The following HTRA3 variants were observed in gnomAD, a reference collection of about 807,000 sequenced individuals.
The protein encoded by HTRA3 is HtrA serine peptidase 3.
A neutral mutation model predicts 43.2 loss-of-function variants in HTRA3; 41 were observed. The observed-to-expected ratio is 0.95, with a 90% CI of 0.74 to 1.23. HTRA3 has a LOEUF of 1.23. Among genes scored for constraint, HTRA3 ranks in the 50% most tolerant of loss-of-function variants. HTRA3 has a pLI of 0.00. For synonymous variants in HTRA3, 295 were observed against 287.9 expected (o/e 1.02, Z -0.25); for missense variants, 628 against 647.1 (o/e 0.97, Z 0.32).
chr4:8,281,384 G>T (rs531520040), intron 1 of HTRA3, among the ~76,000 whole-genome samples: 10 of 152,214 alleles, frequency 6.6e-5, no homozygotes, highest in African/African-American at 2.4e-4. Flanking sequence ...CTGGGTGGGT[G>T]GGTAGCCCCC....
In HTRA3 at chr4:8,286,672, C is replaced by T. The variant is rs112517429; in HGVS notation, c.597C>T (p.Ala199=). ...ACGTGGTGTCCAGCAACAGTGCTGC[C>T]CCGGGCAGGCAGCAGCTCAAGGTGC... ...NAHVVSSNSA[A]PGRQQLKVQL... Residue 199 remains alanine (A), a synonymous_variant, in exon 3 of 9, where the codon GCC becomes GCT. Coordinates refer to ENST00000307358, the MANE Select transcript of HTRA3 (RefSeq NM_053044.5). This position sits in a 1 kb window ranked among gnomAD's most constrained non-coding sequence, Gnocchi z 4.9. 2.1e-3 allele frequency: 3,396 copies of T among 1,614,180 alleles called. 7 individuals carry two copies. Among genetic ancestry groups the T allele is most frequent in the Middle Eastern group, 3.8e-3 (23 of 6,062 alleles).
intron 4 of HTRA3, among the ~76,000 whole-genome samples, 160 bp from the exon 5 acceptor site, chr4:8,292,161 C>T (rs1164009397): frequency 6.6e-6 from 1 of 152,230 alleles, no homozygotes; most frequent in Non-Finnish European, 1.5e-5. Flanking sequence ...ACATGGCCTT[C>T]TTATCTGTGA....
rs1342311590 is a variant in HTRA3, at chr4:8,270,129, G to A, written c.161G>A (p.Cys54Tyr). ...GACCTCTGCAACTGCTGCCTGGTGT[G>A]CGCCGCCAGCGAGGGCGAGCCCTGT... is the stretch of plus-strand genomic sequence containing the variant. ...VPDLCNCCLV[C>Y]AASEGEPCGG... The change falls in exon 1 of 9, where the codon TGC becomes TAC. Residue 54 changes from cysteine (C) to tyrosine (Y), a missense_variant. By Grantham distance (194) the Cys-to-Tyr change is radical. Coordinates refer to ENST00000307358, the MANE Select transcript of HTRA3 (RefSeq NM_053044.5). The A allele has an allele frequency of 1.3e-6, 2 of 1,544,322 alleles. No homozygotes were observed. The highest frequency in any genetic ancestry group is 1.7e-6 in the Non-Finnish European group (2 of 1,157,370).
chr4:8,274,860 C>A (rs1044950096), intron 1 of HTRA3, among the ~76,000 whole-genome samples: 1 of 152,200 alleles, frequency 6.6e-6, no homozygotes, highest in Non-Finnish European at 1.5e-5. Flanking sequence ...CATTTAATCA[C>A]CGGCTTTTAT....
At chr4:8,283,057 G>A (rs1200962444) in intron 2 of HTRA3, among the ~76,000 whole-genome samples, 2 of 152,178 alleles carry the variant, frequency 1.3e-5, no homozygotes, top group Admixed American at 6.5e-5. Context: ...CGCAAGCACC[G>A]AGGCCCGTGT....
chr4:8,285,529 T>C (rs1293828207), intron 2 of HTRA3, among the ~76,000 whole-genome samples: 1 of 152,204 alleles, frequency 6.6e-6, no homozygotes, highest in Non-Finnish European at 1.5e-5. Flanking sequence ...CTCGCACATT[T>C]TCCTTGCTCA....
At chr4:8,277,241 G>A (rs56357949) in intron 1 of HTRA3, among the ~76,000 whole-genome samples, 47,490 of 152,150 alleles carry the variant, frequency 0.31, 8,511 homozygotes, top group Non-Finnish European at 0.4. Context: ...GTTTTCCAGA[G>A]GAGGAAAAGC....
At chr4:8,292,688 C>A (rs76858966) in intron 5 of HTRA3, among the ~76,000 whole-genome samples, 1 of 152,334 alleles carries the variant, frequency 6.6e-6, no homozygotes, top group East Asian at 1.9e-4. Context: ...CACAGGATGA[C>A]AGGGGCACCC....
intron 1 of HTRA3, among the ~76,000 whole-genome samples, chr4:8,280,876 C>A (rs895222523): frequency 1.3e-5 from 2 of 152,182 alleles, no homozygotes; most frequent in African/African-American, 2.4e-5. Context: ...GACCCAACAC[C>A]AGAGCTCGAG....
At chr4:8,277,647 C>G (rs564778131) in intron 1 of HTRA3, among the ~76,000 whole-genome samples, 1 of 152,206 alleles carries the variant, frequency 6.6e-6, no homozygotes, top group Non-Finnish European at 1.5e-5. Context: ...GGAGCCTGCA[C>G]GCGCAGGAAG....
intron 6 of HTRA3, among the ~76,000 whole-genome samples, chr4:8,299,918 C>A (rs1321797895): frequency 6.6e-6 from 1 of 150,778 alleles, no homozygotes; most frequent in Non-Finnish European, 1.5e-5. Context: ...TGGCTCCCTG[C>A]AACCTCTACC....
At position 8,295,727 on chromosome 4, in the gene HTRA3, G is replaced by T; in HGVS notation, c.1051+1526G>T. The T allele has an allele frequency of 7.3e-7, 1 of 1,366,466 alleles. No homozygotes were observed. The highest frequency in any genetic ancestry group is 9.5e-7 in the Non-Finnish European group (1 of 1,056,566). 84.6% of individuals were successfully genotyped at this position (1,366,466 alleles called of 1,614,324 possible). On this transcript the variant is annotated intron_variant, in intron 6 of 8. Transcript: ENST00000307358. The surrounding 1 kb of genome is among the most constrained non-coding windows in gnomAD (Gnocchi z 6.9). ...ACTGGCAGTTCATTGAGAGCAGGGGGCTTCCTCACGTTTCCCCCTCCTCCA... is the reference window on the plus strand; with the variant it reads ...ACTGGCAGTTCATTGAGAGCAGGGGTCTTCCTCACGTTTCCCCCTCCTCCA...
At position 8,279,622 on chromosome 4, in the gene HTRA3, G is replaced by T. The variant is rs1320519537; in HGVS notation, c.386-2815G>T. Among the ~76,000 whole-genome samples, 1 of 152,160 alleles carries T rather than the reference G, an allele frequency of 6.6e-6. No individual in the cohort carries two copies. Among genetic ancestry groups the T allele is most frequent in the Admixed American group, 6.5e-5 (1 of 15,288 alleles). ...TCTGAGTCCAGGATGGAGACACACA[G>T]GAAGGCAGCCTTTTCTAATCACCTG... On this transcript the variant is annotated intron_variant, in intron 1 of 8. Coordinates refer to ENST00000307358, the MANE Select transcript of HTRA3 (RefSeq NM_053044.5). The surrounding 1 kb of genome is among the most constrained non-coding windows in gnomAD (Gnocchi z 7.4).
At chr4:8,278,572 C>G (rs1471445592) in intron 1 of HTRA3, among the ~76,000 whole-genome samples, 1 of 152,176 alleles carries the variant, frequency 6.6e-6, no homozygotes, top group Non-Finnish European at 1.5e-5. Flanking sequence ...ACCGCGTCCT[C>G]CCTTCCCCCT....
In HTRA3 at chr4:8,288,973, A is replaced by G. The variant is rs1442249198; in HGVS notation, c.708+2190A>G. Among the ~76,000 whole-genome samples the G allele has an allele frequency of 4.9e-5, 5 of 102,224 alleles. No homozygotes were observed. The Admixed American group carries it at 6.3e-4, about 13-fold the overall frequency. The allele number at this position is 102,224 out of a possible 152,430, so 67.1% of individuals were successfully genotyped here. A position where few individuals can be genotyped will look rare whatever the true frequency, so the allele number is the denominator to read the frequency against. On this transcript the variant is annotated intron_variant, in intron 3 of 8. Transcript: ENST00000307358. ...CTCTCTCTCTCTTTTTTTTTTTTTCAGGGTCTCGCTCTGTTGCCCAGGCTG... is the reference window on the plus strand; with the variant it reads ...CTCTCTCTCTCTTTTTTTTTTTTTCGGGGTCTCGCTCTGTTGCCCAGGCTG...
intron 1 of HTRA3, among the ~76,000 whole-genome samples, chr4:8,278,533 C>T (rs4438745): frequency 0.62 from 95,032 of 152,084 alleles, 31,174 homozygotes; most frequent in South Asian, 0.74. Context: ...GTGGGGCCCA[C>T]GGTTTTCCTG....
chr4:8,305,994 T>A lies in HTRA3; in HGVS notation c.1220T>A (p.Ile407Asn). The A allele has an allele frequency of 1.2e-6, 2 of 1,611,054 alleles. No individual in the cohort carries two copies. The highest frequency in any genetic ancestry group is 1.7e-6 in the Non-Finnish European group (2 of 1,179,342). The change falls in exon 9 of 9, where the codon ATC (isoleucine) becomes AAC (asparagine). Residue 407 changes from isoleucine to asparagine, a missense_variant. By Grantham distance (149) the Ile-to-Asn change is moderately radical. Coordinates refer to ENST00000307358, the MANE Select transcript of HTRA3 (RefSeq NM_053044.5). Reference sequence around the variant, plus strand: ...AGAGGCGGCATCCAAGATGGTGACATCATCGTCAAGGTCAACGGGCGTCCT... The same window carrying A: ...AGAGGCGGCATCCAAGATGGTGACAACATCGTCAAGGTCAACGGGCGTCCT... ...SQRGGIQDGD[I>N]IVKVNGRPLV...
intron 3 of HTRA3, among the ~76,000 whole-genome samples, chr4:8,291,049 G>A (rs538446155): frequency 2.0e-5 from 3 of 152,360 alleles, no homozygotes; most frequent in South Asian, 4.1e-4. Context: ...TAGAGGCCAT[G>A]TGACCATCAG....
At chr4:8,288,899 GTCCTTCCTTCCT>G (rs1199752377) in intron 3 of HTRA3, among the ~76,000 whole-genome samples, 42 of 101,488 alleles carry the variant, frequency 4.1e-4, no homozygotes, top group Admixed American at 1.3e-3. Context: ...CCTTCCGTCC[GTCCTTCCTTCCT>G]TCCTTCCTTC....
Sources: allele counts gnomAD v4.1 joint callset (sites outside exome capture counted in the v4.1 genomes callset), GRCh38; gene constraint gnomAD v4.1.1; non-coding constraint Gnocchi (gnomAD v3.1); transcripts MANE v1.5; gene names NCBI Gene and HGNC (gene_info 2026-07-23, HGNC 2026-07-21).